The following OTOF variants were observed in gnomAD, a reference collection of about 807,000 sequenced individuals.
OTOF encodes fer-1-like family member 2.
In OTOF, 218 loss-of-function variants were observed where a neutral mutation model predicts 236.8. That is an observed-to-expected ratio of 0.92 (90% CI 0.82 to 1.03). The LOEUF is 1.03. Ranked by LOEUF, OTOF falls within the 50% of genes least tolerant of loss-of-function variation. The probability of loss-of-function intolerance (pLI) is 0.00; values close to 1 mark genes in which losing one functional copy is unlikely to be tolerated. For missense variants in OTOF, 2,590 were observed against 2,694.4 expected, an observed-to-expected ratio of 0.96 and a Z score of 0.86; for synonymous variants, 1,041 against 1,072.5, an observed-to-expected ratio of 0.97 and a Z score of 0.57.
chr2:26,507,769 C>T (rs999525792), intron 5 of OTOF, among the ~76,000 whole-genome samples: 1 of 152,142 alleles, frequency 6.6e-6, no homozygotes, highest in African/African-American at 2.4e-5. Context: ...ATTTAGAATC[C>T]GTTTGAGTTT....
chr2:26,503,991 G>A (rs1666185432), intron 5 of OTOF, 146 bp from the exon 6 acceptor site: 1 of 729,540 alleles, frequency 1.4e-6, no homozygotes, highest in Non-Finnish European at 2.4e-6. Context: ...GACAGATCGG[G>A]ATCTGTCTTC....
rs746829542 is a variant in OTOF, at chr2:26,475,398, C to G, written c.3087G>C (p.Pro1029=). ...CATAGATTTCAATGACAATGATGGG[C>G]GGATCGTCCCTCAGCTCATGAGCTT... ...YGEAHELRDD[P]PIIVIEIYDQ... is the part of the protein sequence containing the mutation. The change falls in exon 25 of 47, where the codon CCG becomes CCC. Residue 1029 remains proline (P), a synonymous_variant. Transcript: ENST00000272371. 6.2e-7 allele frequency: 1 copy of G among 1,613,108 alleles called. No individual in the cohort carries two copies. The highest frequency in any genetic ancestry group is 1.1e-5 in the South Asian group (1 of 91,084).
Position 26,461,706 on chromosome 2 carries a change from G to A in OTOF, c.5523C>T (p.Asp1841=), listed in dbSNP as rs145894536. ...QIWDADHFSA[D]DFLGAIELDL... is the part of the protein sequence containing the mutation. ...TGCCCTGCTCTGCACCCAGGAAGTC[G>A]TCAGCGGAGAAGTGGTCCGCATCCC... Residue 1841 remains aspartate (D), a synonymous_variant, in exon 43 of 47, where the codon GAC becomes GAT. Coordinates refer to ENST00000272371, the MANE Select transcript of OTOF (RefSeq NM_194248.3). The surrounding 1 kb of genome is among the most constrained non-coding windows in gnomAD (Gnocchi z 6.2). 1.6e-4 allele frequency: 254 copies of A among 1,613,990 alleles called. No individual in the cohort carries two copies. The highest frequency in any genetic ancestry group is 2.0e-4 in the Non-Finnish European group (232 of 1,180,016).
intron 24 of OTOF, 87 bp from the exon 25 acceptor site, chr2:26,475,580 C>T (rs890878456): frequency 6.2e-6 from 9 of 1,444,086 alleles, no homozygotes; most frequent in Non-Finnish European, 8.7e-6. Flanking sequence ...CACTCAGCTT[C>T]CACGGAACCT....
At chr2:26,515,067 G>A (rs554754004) in intron 5 of OTOF, among the ~76,000 whole-genome samples, 6 of 152,338 alleles carry the variant, frequency 3.9e-5, no homozygotes, top group East Asian at 3.9e-4. Flanking sequence ...CATGGGCAGC[G>A]CTCAGCACCT....
intron 3 of OTOF, among the ~76,000 whole-genome samples, chr2:26,523,977 G>A (rs1666742085): frequency 1.3e-5 from 2 of 151,860 alleles, no homozygotes; most frequent in Admixed American, 1.3e-4. Flanking sequence ...GCCTGTGTCA[G>A]CCTGGGCCTG....
intron 3 of OTOF, among the ~76,000 whole-genome samples, chr2:26,525,641 G>A (rs949716270): frequency 1.3e-5 from 2 of 152,174 alleles, no homozygotes; most frequent in African/African-American, 4.8e-5. Context: ...TATGATGAGT[G>A]ACTGCAAAGT....
intron 32 of OTOF, 56 bp from the exon 33 acceptor site, chr2:26,468,530 T>C (rs1664839087): frequency 2.0e-5 from 27 of 1,384,402 alleles, no homozygotes; most frequent in Non-Finnish European, 2.5e-5. Context: ...GAGGAGTCTG[T>C]TGACCCCAAA....
chr2:26,536,793 G>A (rs1024100975), intron 2 of OTOF, among the ~76,000 whole-genome samples: 6 of 152,230 alleles, frequency 3.9e-5, no homozygotes, highest in African/African-American at 1.4e-4. Flanking sequence ...GATGGTGACG[G>A]ATGACTGCTG....
intron 3 of OTOF, among the ~76,000 whole-genome samples, chr2:26,525,996 A>G (rs1469830412): frequency 6.6e-6 from 1 of 150,536 alleles, no homozygotes. Flanking sequence ...CTGATACAGG[A>G]TAATTGCTTG....
At chr2:26,528,281 A>G (rs1482237807) in intron 2 of OTOF, among the ~76,000 whole-genome samples, 1 of 152,182 alleles carries the variant, frequency 6.6e-6, no homozygotes, top group Non-Finnish European at 1.5e-5. Flanking sequence ...TGGTGCAACC[A>G]GGGTGGTGGT....
At chr2:26,551,798 A>T (rs2148136412) in intron 1 of OTOF, among the ~76,000 whole-genome samples, 1 of 152,366 alleles carries the variant, frequency 6.6e-6, no homozygotes, top group Non-Finnish European at 1.5e-5. Flanking sequence ...TGACTGCCTG[A>T]TTAGTTTATA....
At chr2:26,543,198 TG>T (rs1247010747) in intron 1 of OTOF, among the ~76,000 whole-genome samples, 1 of 152,142 alleles carries the variant, frequency 6.6e-6, no homozygotes. Flanking sequence ...CTGTTCCTTT[TG>T]AAGGCCAGAT....
At chr2:26,548,076 T>C (rs1667376267) in intron 1 of OTOF, among the ~76,000 whole-genome samples, 1 of 152,236 alleles carries the variant, frequency 6.6e-6, no homozygotes, top group Non-Finnish European at 1.5e-5. Flanking sequence ...TGAGGTAAGT[T>C]ATTGGTAATA....
intron 46 of OTOF, among the ~76,000 whole-genome samples, chr2:26,459,474 C>T (rs1488629468): frequency 6.6e-6 from 1 of 151,108 alleles, no homozygotes; most frequent in Non-Finnish European, 1.5e-5. Context: ...ATGGCGTGAA[C>T]CCGGGAGGCG....
In OTOF at chr2:26,473,536, C is replaced by T. The variant is rs369188910; in HGVS notation, c.3440G>A (p.Arg1147Gln). The change falls in exon 28 of 47, where the codon CGG becomes CAG. Residue 1147 changes from arginine (R) to glutamine (Q), a missense_variant. By Grantham distance (43) the Arg-to-Gln change is conservative (BLOSUM62 1). Transcript: ENST00000272371. This position sits in a 1 kb window ranked among gnomAD's most constrained non-coding sequence, Gnocchi z 7.2. ...CCGGTCCACCTGGGCCAGGTTCACC[C>T]GCTTTAGGTCCCGTAGGCCCCAGAA... ...VLFWGLRDLKRVNLAQVDRPR... is the reference protein window; with the variant it reads ...VLFWGLRDLKQVNLAQVDRPR... The T allele has an allele frequency of 1.7e-5, 28 of 1,610,898 alleles. No homozygotes were observed. The highest frequency in any genetic ancestry group is 6.6e-5 in the South Asian group (6 of 90,990).
chr2:26,477,460 T>G lies in OTOF; in HGVS notation c.2362A>C (p.Thr788Pro). ...ADKDQGHSSR[T>P]RLDRERLKSC... ...TTGAGGCGCTCCCGGTCAAGCCTGGTGCGGGATGAGTGGCCCTGGTCCTTG... is the reference window on the plus strand; with the variant it reads ...TTGAGGCGCTCCCGGTCAAGCCTGGGGCGGGATGAGTGGCCCTGGTCCTTG... The change falls in exon 20 of 47, where the codon ACC (threonine) becomes CCC (proline). Residue 788 changes from threonine (T) to proline (P), a missense_variant. Transcript: ENST00000272371. This position sits in a 1 kb window ranked among gnomAD's most constrained non-coding sequence, Gnocchi z 4.7. The G allele has an allele frequency of 6.2e-7, 1 of 1,603,348 alleles. No individual in the cohort carries two copies. The highest frequency in any genetic ancestry group is 8.5e-7 in the Non-Finnish European group (1 of 1,175,838).
chr2:26,526,356 T>C (rs1666804096), intron 3 of OTOF, among the ~76,000 whole-genome samples: 1 of 151,220 alleles, frequency 6.6e-6, no homozygotes, highest in Non-Finnish European at 1.5e-5. Flanking sequence ...AATGAATTGA[T>C]AAATGGATGG....
At chr2:26,551,262 A>T (rs973317687) in intron 1 of OTOF, among the ~76,000 whole-genome samples, 3 of 152,200 alleles carry the variant, frequency 2.0e-5, no homozygotes, top group Non-Finnish European at 4.4e-5. Context: ...AAGTGCTGGG[A>T]TTACAGGCGT....
Sources: gnomAD v4.1 joint callset for allele counts (sites outside exome capture counted in the v4.1 genomes callset) on GRCh38, gnomAD v4.1.1 for gene constraint, Gnocchi (gnomAD v3.1) non-coding constraint, MANE v1.5 for transcripts, NCBI Gene and HGNC (gene_info 2026-07-23, HGNC 2026-07-21) for gene names.